Variants in SLC6A6 observed in about 807,000 individuals in gnomAD.
The protein encoded by SLC6A6 is solute carrier family 6 member 6, also known as sodium- and chloride-dependent taurine transporter.
A neutral mutation model predicts 68.8 loss-of-function variants in SLC6A6; 16 were observed. That is an observed-to-expected ratio of 0.23 (90% CI 0.16 to 0.35). The LOEUF is 0.35. SLC6A6 is among the 10% of genes least tolerant of loss of function. SLC6A6 has a pLI of 1.00. For synonymous variants in SLC6A6, 312 were observed against 315.4 expected (o/e 0.99, Z 0.12); for missense variants, 474 against 802.8 (o/e 0.59, Z 4.95).
chr3:14,433,530 G>A (rs1196872611), intron 2 of SLC6A6, among the ~76,000 whole-genome samples: 3 of 152,106 alleles, frequency 2.0e-5, no homozygotes, highest in African/African-American at 4.8e-5. Flanking sequence ...AGCTGAGCAC[G>A]GTAGCTCCCA....
In SLC6A6 at chr3:14,485,151, TGTGC is replaced by T; in HGVS notation, c.*152_*155del. The T allele has an allele frequency of 3.6e-6, 2 of 557,574 alleles. No homozygotes were observed. Among genetic ancestry groups the T allele is most frequent in the South Asian group, 2.3e-5 (1 of 44,064 alleles). The allele number at this position is 557,574 out of a possible 1,614,324, so 34.5% of individuals were successfully genotyped here. On this transcript the variant is annotated 3_prime_UTR_variant, in exon 15 of 15. Transcript: ENST00000622186. ...CACAGAAAATGTAATTGTGGGTATG[TGTGC>T]GTGCGTGTGTGTGTGTGTGTGTATC...
At chr3:14,404,697 ACTACG>A (rs1263597083) in intron 1 of SLC6A6, among the ~76,000 whole-genome samples, 1 of 152,220 alleles carries the variant, frequency 6.6e-6, no homozygotes, top group African/African-American at 2.4e-5. Flanking sequence ...TGCCGGCCTC[ACTACG>A]TCCTTGAGGG....
intron 10 of SLC6A6, among the ~76,000 whole-genome samples, chr3:14,475,833 A>T (rs1374932527): frequency 6.6e-6 from 1 of 152,202 alleles, no homozygotes; most frequent in Non-Finnish European, 1.5e-5. Context: ...TCAAAAAAGC[A>T]GCCTCTTCTC....
At position 14,450,804 on chromosome 3, in the gene SLC6A6, A is replaced by G. The variant is rs1185007161; in HGVS notation, c.599+2988A>G. 6.6e-6 allele frequency among the ~76,000 whole-genome samples: 1 copy of G among 152,260 alleles called. No homozygotes were observed. Among genetic ancestry groups the G allele is most frequent in the Non-Finnish European group, 1.5e-5 (1 of 68,046 alleles). ...TTCAAGAGCCTTCTCTTTTCTTGGC[A>G]TGCAATGGTGGAAAGGCAAGAGAAC... On this transcript the variant is annotated intron_variant, in intron 5 of 14. Transcript: ENST00000622186. The surrounding 1 kb of genome is among the most constrained non-coding windows in gnomAD (Gnocchi z 4.1).
chr3:14,468,011 T>C lies in SLC6A6; in HGVS notation c.971+55T>C. On this transcript the variant is annotated intron_variant, in intron 8 of 14. Transcript: ENST00000622186. The surrounding 1 kb of genome is among the most constrained non-coding windows in gnomAD (Gnocchi z 4.5). ...CTTTAGAAATGATGATGATGATGTT[T>C]AAAGAAAAAGAGAAGTAGGGAGCGT... 1 of 1,609,712 alleles carries C rather than the reference T, an allele frequency of 6.2e-7. No homozygotes were observed. The highest frequency in any genetic ancestry group is 8.5e-7 in the Non-Finnish European group (1 of 1,176,624).
intron 2 of SLC6A6, among the ~76,000 whole-genome samples, chr3:14,426,280 G>A (rs1039469687): frequency 2.0e-5 from 3 of 152,102 alleles, no homozygotes; most frequent in South Asian, 2.1e-4. Context: ...CGGTCAAGTC[G>A]CTTATTGATT....
chr3:14,451,294 A>C (rs889535695), intron 5 of SLC6A6, among the ~76,000 whole-genome samples: 1 of 152,068 alleles, frequency 6.6e-6, no homozygotes, highest in Non-Finnish European at 1.5e-5. Context: ...GCAAATCACT[A>C]CCTCTCTCTG....
rs745851967 is a variant in SLC6A6 at position 14,487,150 on chromosome 3, C to G, written c.*2143C>G. 1 of 152,660 alleles carries G rather than the reference C, an allele frequency of 6.6e-6. No individual in the cohort carries two copies. The highest frequency in any genetic ancestry group is 1.5e-5 in the Non-Finnish European group (1 of 68,042). 9.5% of individuals were successfully genotyped at this position (152,660 alleles called of 1,614,324 possible). A position where few individuals can be genotyped will look rare whatever the true frequency, so the allele number is the denominator to read the frequency against. Reference sequence around the variant, plus strand: ...GTCATTTCAGTTTCCATCTCCCCAGCGGGGGCTCCCTGGGTGAAAGGCCAC... The same window carrying G: ...GTCATTTCAGTTTCCATCTCCCCAGGGGGGGCTCCCTGGGTGAAAGGCCAC... On this transcript the variant is annotated 3_prime_UTR_variant, in exon 15 of 15. Coordinates refer to ENST00000622186, the MANE Select transcript of SLC6A6 (RefSeq NM_003043.6).
In SLC6A6 at chr3:14,485,190, T is replaced by C. The variant is rs2125003324; in HGVS notation, c.*183T>C. ...TGTGTGTGTGTGTATCGTGTGTGTG[T>C]GTTTTGTTTTGATTTGGGGGATATT... On this transcript the variant is annotated 3_prime_UTR_variant, in exon 15 of 15. Coordinates refer to ENST00000622186, the MANE Select transcript of SLC6A6 (RefSeq NM_003043.6). The C allele has an allele frequency of 2.3e-6, 1 of 426,736 alleles. No individual in the cohort carries two copies. The highest frequency in any genetic ancestry group is 4.1e-6 in the Non-Finnish European group (1 of 244,978). 26.4% of individuals were successfully genotyped at this position (426,736 alleles called of 1,614,324 possible).
At chr3:14,480,552 G>A (rs753686682) in intron 13 of SLC6A6, among the ~76,000 whole-genome samples, 9 of 152,222 alleles carry the variant, frequency 5.9e-5, no homozygotes, top group Admixed American at 1.3e-4. Flanking sequence ...AGCCCTACAC[G>A]TAGGGACGGG....
At chr3:14,484,064 G>A (rs1311126400) in intron 14 of SLC6A6, among the ~76,000 whole-genome samples, 1 of 152,150 alleles carries the variant, frequency 6.6e-6, no homozygotes, top group Non-Finnish European at 1.5e-5. Context: ...TTGTTGTTTT[G>A]TTTGTTTGTC....
chr3:14,436,134 G>T (rs1036099579), intron 2 of SLC6A6, among the ~76,000 whole-genome samples: 1 of 151,380 alleles, frequency 6.6e-6, no homozygotes, highest in African/African-American at 2.5e-5. Context: ...GAAAGGCTTT[G>T]ATTAATTTCC....
intron 2 of SLC6A6, among the ~76,000 whole-genome samples, chr3:14,440,351 G>A (rs1332718089): frequency 2.6e-5 from 4 of 152,036 alleles, no homozygotes; most frequent in Admixed American, 6.5e-5. Context: ...TTTATACTGC[G>A]GCTCCAACAG....
At position 14,478,758 on chromosome 3, in the gene SLC6A6, G is replaced by A. The variant is rs763723068; in HGVS notation, c.1450+190G>A. The A allele has an allele frequency of 4.6e-4, 275 of 604,300 alleles. 3 individuals carry two copies. The highest frequency in any genetic ancestry group is 1.4e-4 in the Non-Finnish European group (46 of 339,438). 37.4% of individuals were successfully genotyped at this position (604,300 alleles called of 1,614,324 possible). The stretch of plus-strand genomic sequence containing the variant: ...CCTCCTGGTGCTAAAGGTGTGAGGT[G>A]TGACTGGATGTTTTCACAGTTTCAG... On this transcript the variant is annotated intron_variant, in intron 12 of 14. Coordinates refer to ENST00000622186, the MANE Select transcript of SLC6A6 (RefSeq NM_003043.6).
At chr3:14,459,666 G>T (rs12489456) in intron 6 of SLC6A6, among the ~76,000 whole-genome samples, 4 of 151,878 alleles carry the variant, frequency 2.6e-5, no homozygotes, top group Non-Finnish European at 4.4e-5. Flanking sequence ...GTGCTACCCC[G>T]GTTCTCTGTC....
At chr3:14,475,392 G>A (rs1700853074) in intron 10 of SLC6A6, among the ~76,000 whole-genome samples, 1 of 152,110 alleles carries the variant, frequency 6.6e-6, no homozygotes. Flanking sequence ...CACTCCTCCT[G>A]CAACCAAAGA....
chr3:14,418,509 G>A (rs985229044), intron 2 of SLC6A6, among the ~76,000 whole-genome samples: 7 of 152,126 alleles, frequency 4.6e-5, no homozygotes, highest in Non-Finnish European at 8.8e-5. Flanking sequence ...CACTGGGCAG[G>A]CATGGAGGTG....
chr3:14,411,944 C>T (rs1019763964), intron 1 of SLC6A6, among the ~76,000 whole-genome samples: 3 of 152,226 alleles, frequency 2.0e-5, no homozygotes, highest in Admixed American at 6.5e-5. Flanking sequence ...CTTTTAAAAT[C>T]AAAGGCCCTG....
chr3:14,461,139 T>C (rs1700484489), intron 6 of SLC6A6, among the ~76,000 whole-genome samples: 1 of 152,254 alleles, frequency 6.6e-6, no homozygotes, highest in South Asian at 2.1e-4. Context: ...AGGCTGCCAT[T>C]AATCCATTCA....
Sources: gnomAD v4.1 joint callset for allele counts (sites outside exome capture counted in the v4.1 genomes callset) on GRCh38, gnomAD v4.1.1 for gene constraint, Gnocchi (gnomAD v3.1) non-coding constraint, MANE v1.5 for transcripts, NCBI Gene and HGNC (gene_info 2026-07-23, HGNC 2026-07-21) for gene names.